The following MBP variants were observed in gnomAD, a reference collection of about 807,000 sequenced individuals.
MBP encodes the protein Golli-MBP.
MBP carries 16 observed loss-of-function variants against 35.8 expected under a neutral mutation model. That is an observed-to-expected ratio of 0.45 (90% confidence interval 0.30 to 0.68). MBP has a LOEUF of 0.68. Among genes scored for constraint, MBP ranks in the 30% least tolerant of loss-of-function variants. The pLI is 0.08. For synonymous variants in MBP, 143 were observed against 159.6 expected, an observed-to-expected ratio of 0.90 and a Z score of 0.78; for missense variants, 380 against 404.7, an observed-to-expected ratio of 0.94 and a Z score of 0.52.
chr18:77,062,703 T>A (rs936243207), intron 3 of MBP, among the ~76,000 whole-genome samples: 1 of 152,190 alleles, frequency 6.6e-6, no homozygotes, highest in Admixed American at 6.5e-5. Flanking sequence ...GTGGTTTTAG[T>A]TGTCTGTTTG....
intron 2 of MBP, among the ~76,000 whole-genome samples, chr18:77,086,036 G>A (rs921501629): frequency 3.9e-5 from 6 of 152,216 alleles, no homozygotes; most frequent in Non-Finnish European, 8.8e-5. Flanking sequence ...CAGAGAGAGA[G>A]AGAGACTGAT....
At chr18:77,021,621 T>C (rs1971991278) in intron 3 of MBP, among the ~76,000 whole-genome samples, 1 of 151,980 alleles carries the variant, frequency 6.6e-6, no homozygotes, top group Non-Finnish European at 1.5e-5. Flanking sequence ...GTAGCTGGGA[T>C]TACAGGCGCC....
At chr18:77,048,983 G>C (rs184351809) in intron 3 of MBP, among the ~76,000 whole-genome samples, 1 of 151,588 alleles carries the variant, frequency 6.6e-6, no homozygotes, top group East Asian at 1.9e-4. Flanking sequence ...GCAGTGGCAT[G>C]GTGTCAGCTC....
rs1971689563 is a variant in MBP at position 77,017,063 on chromosome 18, G to A, written c.345C>T (p.Asp115=). 6.2e-7 allele frequency: 1 copy of A among 1,612,932 alleles called. No individual in the cohort carries two copies. Among genetic ancestry groups the A allele is most frequent in the Non-Finnish European group, 8.5e-7 (1 of 1,179,046 alleles). The change falls in exon 4 of 9, where the codon GAC becomes GAT. Residue 115 remains aspartate (D), a synonymous_variant. Coordinates refer to ENST00000355994, the MANE Select transcript of MBP (RefSeq NM_001025101.2). ...TGTCTTCTTGGATGGTCTGGAGCTCGTCGGACTCAGAGGGCCTGTCTTTGA... is the reference window on the plus strand; with the variant it reads ...TGTCTTCTTGGATGGTCTGGAGCTCATCGGACTCAGAGGGCCTGTCTTTGA... The part of the protein sequence containing the change: ...NTFKDRPSES[D]ELQTIQEDSA...
intron 2 of MBP, among the ~76,000 whole-genome samples, chr18:77,075,099 T>A (rs1974599965): frequency 6.6e-6 from 1 of 152,174 alleles, no homozygotes; most frequent in African/African-American, 2.4e-5. Flanking sequence ...CTCTCCAAGA[T>A]CCAGAATGGA....
At chr18:77,091,323 T>C (rs1202185237) in intron 2 of MBP, among the ~76,000 whole-genome samples, 2 of 152,228 alleles carry the variant, frequency 1.3e-5, no homozygotes, top group East Asian at 3.8e-4. Flanking sequence ...CAATAAATTA[T>C]TTAATATTTA....
rs1971962733 is a variant in MBP, at chr18:77,020,939, GAA to G, written c.140-3673_140-3672del. On this transcript the variant is annotated intron_variant, in intron 3 of 8. Transcript: ENST00000355994. The surrounding 1 kb of genome is among the most constrained non-coding windows in gnomAD (Gnocchi z 4.1). ...GGAAAGTCATAAAGACGTTGGTGAG[GAA>G]AAGATGTTTCTCATGTGGTTTGGTT... 6.6e-6 allele frequency among the ~76,000 whole-genome samples: 1 copy of G among 152,212 alleles called. No homozygotes were observed. The highest frequency in any genetic ancestry group is 1.5e-5 in the Non-Finnish European group (1 of 68,034).
rs766618295 is a variant in MBP at position 76,990,029 on chromosome 18, T to C, written c.608A>G (p.Tyr203Cys). ...GTGTGACTTCTGGGGCAGGGAGCCG[T>C]AGTGAGCAGTTCTTGCCGGGTGGTG... ...DSHHPARTAH[Y>C]GSLPQKSHGR... Residue 203 changes from tyrosine to cysteine, a missense_variant, in exon 5 of 9, where the codon TAC (tyrosine) becomes TGC (cysteine). Transcript: ENST00000355994. The C allele has an allele frequency of 1.9e-6, 3 of 1,612,800 alleles. No individual in the cohort carries two copies. The highest frequency in any genetic ancestry group is 2.5e-6 in the Non-Finnish European group (3 of 1,179,856).
rs375524516 is a variant in MBP, at chr18:76,979,762, G to A, written c.*665C>T. On this transcript the variant is annotated 3_prime_UTR_variant, in exon 9 of 9. Coordinates refer to ENST00000355994, the MANE Select transcript of MBP (RefSeq NM_001025101.2). ...TCCTTTTCCTCCCTCTGCCACACGC[G>A]AATTCAGCTAATTGGGGTGTGTGGG... 3.4e-4 allele frequency: 197 copies of A among 583,352 alleles called. 1 individual carries two copies. The East Asian group carries it at 3.6e-3, about 11-fold the overall frequency. The allele number at this position is 583,352 out of a possible 1,614,324, so 36.1% of individuals were successfully genotyped here.
chr18:77,064,075 A>G (rs1213574655), intron 3 of MBP, among the ~76,000 whole-genome samples: 1 of 152,248 alleles, frequency 6.6e-6, no homozygotes, highest in Non-Finnish European at 1.5e-5. Context: ...ATTTATGTGT[A>G]AAACCTAAAT....
chr18:76,986,901 T>C, intron 7 of MBP: 1 of 985,452 alleles, frequency 1.0e-6, no homozygotes, highest in South Asian at 4.7e-5. Context: ...GAACCTAGAA[T>C]GTACCAGGAA....
intron 3 of MBP, among the ~76,000 whole-genome samples, chr18:77,043,854 C>T (rs978047443): frequency 6.6e-6 from 1 of 152,160 alleles, no homozygotes; most frequent in Non-Finnish European, 1.5e-5. Context: ...AAATGCTACT[C>T]ACATGCCCAC....
chr18:77,017,411 G>A (rs1971713287), intron 3 of MBP, 143 bp from the exon 4 acceptor site: 5 of 662,318 alleles, frequency 7.5e-6, no homozygotes, highest in Non-Finnish European at 1.1e-5. Flanking sequence ...CTTGGCCTAG[G>A]ATGGAGCTAA....
intron 3 of MBP, among the ~76,000 whole-genome samples, chr18:77,028,754 C>T (rs1402692193): frequency 1.0e-5 from 1 of 100,088 alleles, no homozygotes; most frequent in Non-Finnish European, 2.6e-5. Flanking sequence ...GGGGGCTGAT[C>T]CCCCCACCTC....
intron 1 of MBP, among the ~76,000 whole-genome samples, chr18:77,106,906 G>T (rs1976297851): frequency 6.6e-6 from 1 of 152,174 alleles, no homozygotes; most frequent in Admixed American, 6.5e-5. Flanking sequence ...GGAAATGAGG[G>T]TTTGTTGCAC....
In MBP at chr18:76,989,596, T is replaced by TGCCC; in HGVS notation, c.681+359_681+360insGGGC. On this transcript the variant is annotated intron_variant, in intron 5 of 8. Coordinates refer to ENST00000355994, the MANE Select transcript of MBP (RefSeq NM_001025101.2). This position sits in a 1 kb window ranked among gnomAD's most constrained non-coding sequence, Gnocchi z 4.0. ...CGGTTTCGCTGCCCGAAAAATGCCC[T>TGCCC]AAAAATGCCCTGTGCTCTCTCTGCT... The TGCCC allele has an allele frequency of 7.2e-6, 2 of 276,062 alleles. No homozygotes were observed. The highest frequency in any genetic ancestry group is 2.2e-4 in the East Asian group (2 of 8,988). 17.1% of individuals were successfully genotyped at this position (276,062 alleles called of 1,614,324 possible).
At chr18:77,066,710 A>T (rs1408935180) in intron 2 of MBP, 2 of 551,508 alleles carry the variant, frequency 3.6e-6, no homozygotes, top group Admixed American at 3.9e-5. Flanking sequence ...CCACATAGTT[A>T]CTGCTTTAGA....
In MBP at chr18:77,070,293, C is replaced by T. The variant is rs74450397; in HGVS notation, c.52-3908G>A. On this transcript the variant is annotated intron_variant, in intron 2 of 8. Transcript: ENST00000355994. ...GAACCTGTGACTGCACGTGTCGACA[C>T]GCATTTCAAGCAAGGGTGCCTCCTT... 8.3e-3 allele frequency among the ~76,000 whole-genome samples: 1,258 copies of T among 152,310 alleles called. 7 individuals carry two copies. The highest frequency in any genetic ancestry group is 0.012 in the Non-Finnish European group (847 of 68,020).
At chr18:76,985,657 A>T in intron 7 of MBP, 1 of 1,057,896 alleles carries the variant, frequency 9.5e-7, no homozygotes, top group Non-Finnish European at 1.1e-6. Flanking sequence ...GCAGCGGGAC[A>T]GCGTCTCAGC....
Sources: gnomAD v4.1 joint callset for allele counts (sites outside exome capture counted in the v4.1 genomes callset) on GRCh38, gnomAD v4.1.1 for gene constraint, Gnocchi (gnomAD v3.1) non-coding constraint, MANE v1.5 for transcripts, NCBI Gene and HGNC (gene_info 2026-07-23, HGNC 2026-07-21) for gene names.